The following PRRX1 variants were observed in gnomAD, a reference collection of about 807,000 sequenced individuals.
PRRX1 encodes the protein paired related homeobox 1.
PRRX1 carries 8 observed loss-of-function variants against 24.0 expected under a neutral mutation model. That is an observed-to-expected ratio of 0.33 (90% CI 0.20 to 0.60). PRRX1 has a LOEUF of 0.60. Among genes scored for constraint, PRRX1 ranks in the 20% least tolerant of loss-of-function variants. PRRX1 has a pLI of 0.82. For missense variants in PRRX1, 281 were observed against 322.4 expected, an observed-to-expected ratio of 0.87 and a Z score of 0.98; for synonymous variants, 160 against 131.7, an observed-to-expected ratio of 1.22 and a Z score of -1.47.
At chr1:170,710,432 A>G (rs1446904928) in intron 1 of PRRX1, among the ~76,000 whole-genome samples, 1 of 152,208 alleles carries the variant, frequency 6.6e-6, no homozygotes, top group Non-Finnish European at 1.5e-5. Context: ...CTGAATTAGA[A>G]TCAAAGTCTC....
At chr1:170,713,846 T>C (rs1654822269) in intron 1 of PRRX1, among the ~76,000 whole-genome samples, 1 of 152,056 alleles carries the variant, frequency 6.6e-6, no homozygotes, top group Non-Finnish European at 1.5e-5. Flanking sequence ...CCATACAAAG[T>C]TTAGGGGCTT....
chr1:170,722,416 T>C (rs1655119617), intron 2 of PRRX1, among the ~76,000 whole-genome samples: 1 of 152,210 alleles, frequency 6.6e-6, no homozygotes, highest in African/African-American at 2.4e-5. Context: ...CATATTATAC[T>C]CTTGAACCCG....
At chr1:170,683,895 C>A (rs1653637076) in intron 1 of PRRX1, among the ~76,000 whole-genome samples, 1 of 152,088 alleles carries the variant, frequency 6.6e-6, no homozygotes, top group Non-Finnish European at 1.5e-5. Flanking sequence ...GGTCTTTTCT[C>A]CAAGCAAACA....
intron 1 of PRRX1, among the ~76,000 whole-genome samples, chr1:170,671,448 G>A (rs1653141314): frequency 6.6e-6 from 1 of 152,322 alleles, no homozygotes; most frequent in African/African-American, 2.4e-5. Flanking sequence ...CTGCTGTAGC[G>A]ACGCCAGGCG....
chr1:170,664,482 C>A, intron 1 of PRRX1, 23 bp downstream of exon 1: 1 of 1,583,720 alleles, frequency 6.3e-7, no homozygotes, highest in Non-Finnish European at 8.6e-7. Flanking sequence ...CGCATGCCCA[C>A]GGGGGTGTGT....
At chr1:170,690,244 A>C (rs1182920449) in intron 1 of PRRX1, among the ~76,000 whole-genome samples, 1 of 152,054 alleles carries the variant, frequency 6.6e-6, no homozygotes, top group African/African-American at 2.4e-5. Context: ...ATAGTTTAGC[A>C]GAGATAGACA....
intron 3 of PRRX1, among the ~76,000 whole-genome samples, chr1:170,733,094 G>T (rs1655490782): frequency 6.6e-6 from 1 of 152,072 alleles, no homozygotes; most frequent in Admixed American, 6.6e-5. Context: ...CATCTCATTT[G>T]GGATATTACA....
At chr1:170,664,111 TAC>T (rs1553250938), upstream of PRRX1, 974 of 624,732 alleles carry the variant, frequency 1.6e-3, no homozygotes, top group Non-Finnish European at 2.0e-3. Flanking sequence ...CTCTCTCCAC[TAC>T]CCCCCTCTTT....
intron 1 of PRRX1, among the ~76,000 whole-genome samples, chr1:170,709,542 C>T (rs533126857): frequency 1.2e-4 from 18 of 152,272 alleles, no homozygotes; most frequent in African/African-American, 3.4e-4. Context: ...CTTCCTGGCC[C>T]GTTCCTGGCT....
Position 170,726,241 on chromosome 1 carries a change from G to T in PRRX1, c.439G>T (p.Ala147Ser). The T allele has an allele frequency of 6.2e-7, 1 of 1,614,022 alleles. No individual in the cohort carries two copies. ...RVQVWFQNRR[A>S]KFRRNERAML... ...CCAGGTGTGGTTTCAGAACCGAAGA[G>T]CCAAGTTCCGCAGGAATGAGAGAGC... The change falls in exon 3 of 4, where the codon GCC becomes TCC. Residue 147 changes from alanine (A) to serine (S), a missense_variant. Physicochemically the swap from Ala to Ser is moderately conservative, Grantham distance 99. Coordinates refer to ENST00000239461, the MANE Select transcript of PRRX1 (RefSeq NM_022716.4).
chr1:170,708,740 T>C (rs773302381), intron 1 of PRRX1, among the ~76,000 whole-genome samples: 4 of 152,232 alleles, frequency 2.6e-5, no homozygotes, highest in Non-Finnish European at 4.4e-5. Context: ...TTTGTTCACC[T>C]GCCTTCAAGG....
intron 1 of PRRX1, among the ~76,000 whole-genome samples, chr1:170,672,651 A>G (rs1285001513): frequency 1.3e-5 from 2 of 152,226 alleles, no homozygotes; most frequent in South Asian, 4.1e-4. Flanking sequence ...CTTAAAGGCC[A>G]AGGAGCCCAA....
In PRRX1 at chr1:170,716,516, G is replaced by A. The variant is rs565716761; in HGVS notation, c.242-3210G>A. Among the ~76,000 whole-genome samples the A allele has an allele frequency of 1.2e-4, 18 of 152,040 alleles. No individual in the cohort carries two copies. In the East Asian group the frequency reaches 2.9e-3, roughly 25 times the overall value. ...GGAGAATGGTGTGAACCCAGGAGGC[G>A]GAGGTTGCGGTGAGCCAAGATCGCG... is the stretch of plus-strand genomic sequence containing the variant. On this transcript the variant is annotated intron_variant, in intron 1 of 3. Transcript: ENST00000239461.
chr1:170,672,148 C>G (rs1218374984), intron 1 of PRRX1, among the ~76,000 whole-genome samples: 1 of 152,144 alleles, frequency 6.6e-6, no homozygotes, highest in Non-Finnish European at 1.5e-5. Flanking sequence ...AAATCTGACT[C>G]CTGGCCTCCA....
rs2101931631 is a variant in PRRX1, at chr1:170,738,269, G to C, written c.*2083G>C. 4.4e-6 allele frequency: 1 copy of C among 225,078 alleles called. No individual in the cohort carries two copies. Among genetic ancestry groups the C allele is most frequent in the East Asian group, 6.5e-5 (1 of 15,486 alleles). The allele number at this position is 225,078 out of a possible 1,614,324, so 13.9% of individuals were successfully genotyped here. ...TTTAGCACACATTTGTATTTCCCTT[G>C]GCATATCAGATTGAGCTAATGGTGA... On this transcript the variant is annotated 3_prime_UTR_variant, in exon 4 of 4. Coordinates refer to ENST00000239461, the MANE Select transcript of PRRX1 (RefSeq NM_022716.4).
At chr1:170,716,444 C>T (rs906791592) in intron 1 of PRRX1, among the ~76,000 whole-genome samples, 1 of 151,976 alleles carries the variant, frequency 6.6e-6, no homozygotes, top group Non-Finnish European at 1.5e-5. Flanking sequence ...ATTAGCTGGG[C>T]GTGGTGGCAG....
chr1:170,719,948 A>G, intron 2 of PRRX1, 47 bp downstream of exon 2: 8 of 1,604,532 alleles, frequency 5.0e-6, no homozygotes, highest in Non-Finnish European at 6.0e-6. Context: ...CCCTCCTCAG[A>G]GGCACATCTC....
At chr1:170,669,463 C>T (rs955519613) in intron 1 of PRRX1, 9 of 43,834 alleles carry the variant, frequency 2.1e-4, no homozygotes, top group Admixed American at 4.2e-4. Context: ...AATTCAGAAG[C>T]AGTGATGCGT....
intron 3 of PRRX1, chr1:170,730,443 A>G (rs1235789799): frequency 3.7e-6 from 4 of 1,082,792 alleles, no homozygotes; most frequent in East Asian, 4.7e-5. Context: ...AGTTCTAGAA[A>G]TTTCAGCAGT....
Sources: gnomAD v4.1 joint callset for allele counts (sites outside exome capture counted in the v4.1 genomes callset) on GRCh38, gnomAD v4.1.1 for gene constraint, MANE v1.5 for transcripts, NCBI Gene and HGNC (gene_info 2026-07-23, HGNC 2026-07-21) for gene names.